SH3RF3: variants seen among roughly 807,000 people sequenced by gnomAD.
SH3RF3 encodes the protein SH3 domain containing ring finger 3.
A neutral mutation model predicts 66.3 loss-of-function variants in SH3RF3; 29 were observed. The observed-to-expected ratio is 0.44, with a 90% CI of 0.33 to 0.60. SH3RF3 has a LOEUF of 0.60. Among genes scored for constraint, SH3RF3 ranks in the 20% least tolerant of loss-of-function variants. SH3RF3 has a pLI of 0.04. For missense variants in SH3RF3, 1,194 were observed against 1,190.9 expected (o/e 1.00, Z -0.04); for synonymous variants, 583 against 532.0 (o/e 1.10, Z -1.32).
chr2:109,489,339 G>C (rs537609120), intron 8 of SH3RF3, among the ~76,000 whole-genome samples: 1 of 152,340 alleles, frequency 6.6e-6, no homozygotes, highest in South Asian at 2.1e-4. Flanking sequence ...CCAGACCCTG[G>C]TACAGCTGCA....
At chr2:109,393,957 C>G (rs1200118912) in intron 3 of SH3RF3, among the ~76,000 whole-genome samples, 1 of 152,028 alleles carries the variant, frequency 6.6e-6, no homozygotes, top group African/African-American at 2.4e-5. Flanking sequence ...TGTCGTGGAC[C>G]CAGCGCTGAA....
At chr2:109,251,350 G>A in intron 1 of SH3RF3, 1 of 561,920 alleles carries the variant, frequency 1.8e-6, no homozygotes, top group Non-Finnish European at 3.3e-6. Context: ...AAGACACCCG[G>A]CCTGCCGCGG....
chr2:109,307,367 A>G (rs932306519), intron 1 of SH3RF3, among the ~76,000 whole-genome samples: 1 of 152,178 alleles, frequency 6.6e-6, no homozygotes, highest in Admixed American at 6.5e-5. Context: ...ATTTGTGGGC[A>G]AGCAGAACGC....
At chr2:109,251,554 T>C in intron 1 of SH3RF3, 1 of 776,700 alleles carries the variant, frequency 1.3e-6, no homozygotes, top group Non-Finnish European at 2.4e-6. Context: ...GATAGATGAA[T>C]GTGTGGAGAT....
intron 2 of SH3RF3, among the ~76,000 whole-genome samples, chr2:109,361,080 G>A (rs1310524959): frequency 2.0e-5 from 3 of 152,156 alleles, no homozygotes; most frequent in Non-Finnish European, 4.4e-5. Context: ...TTACTGATAT[G>A]AGCATGTGAT....
At chr2:109,327,965 C>T (rs1429655485) in intron 1 of SH3RF3, among the ~76,000 whole-genome samples, 1 of 152,192 alleles carries the variant, frequency 6.6e-6, no homozygotes, top group Non-Finnish European at 1.5e-5. Flanking sequence ...CTGTGTCAGG[C>T]GATATCCAGC....
At chr2:109,131,647 G>A (rs1676699314) in intron 1 of SH3RF3, among the ~76,000 whole-genome samples, 1 of 152,166 alleles carries the variant, frequency 6.6e-6, no homozygotes, top group Non-Finnish European at 1.5e-5. Context: ...CTGAAGCTTT[G>A]ATGCCACTCC....
At chr2:109,227,618 G>A (rs1039687738) in intron 1 of SH3RF3, among the ~76,000 whole-genome samples, 5 of 152,170 alleles carry the variant, frequency 3.3e-5, no homozygotes, top group East Asian at 3.9e-4. Flanking sequence ...GATTCCCCTG[G>A]ATCTGGCCTG....
intron 8 of SH3RF3, among the ~76,000 whole-genome samples, chr2:109,480,910 A>C (rs554950868): frequency 6.6e-6 from 1 of 152,156 alleles, no homozygotes; most frequent in African/African-American, 2.4e-5. Flanking sequence ...TCTTAAAAGA[A>C]TGTCTAGAAG....
intron 1 of SH3RF3, among the ~76,000 whole-genome samples, chr2:109,229,653 C>T (rs976990123): frequency 3.3e-5 from 5 of 152,120 alleles, no homozygotes. Flanking sequence ...AGGAAGGCCC[C>T]AGATGTGAAA....
At chr2:109,410,059 C>A (rs1676547272) in intron 4 of SH3RF3, among the ~76,000 whole-genome samples, 1 of 152,170 alleles carries the variant, frequency 6.6e-6, no homozygotes, top group African/African-American at 2.4e-5. Context: ...TTAGTAATCC[C>A]AGCAGGGAAC....
At chr2:109,445,069 C>T (rs1677669419) in intron 7 of SH3RF3, among the ~76,000 whole-genome samples, 1 of 152,138 alleles carries the variant, frequency 6.6e-6, no homozygotes, top group African/African-American at 2.4e-5. Flanking sequence ...CTGTAGGTAG[C>T]ATAAACTCTA....
intron 1 of SH3RF3, among the ~76,000 whole-genome samples, chr2:109,296,672 G>A (rs1277220077): frequency 6.6e-6 from 1 of 152,168 alleles, no homozygotes; most frequent in African/African-American, 2.4e-5. Flanking sequence ...CTTTGCTCCT[G>A]TGGGTGGAGG....
chr2:109,497,703 G>GA (rs922656648), intron 9 of SH3RF3, among the ~76,000 whole-genome samples: 2 of 152,230 alleles, frequency 1.3e-5, no homozygotes, highest in African/African-American at 2.4e-5. Flanking sequence ...GATCTGGACA[G>GA]AAACGTTAAA....
intron 8 of SH3RF3, among the ~76,000 whole-genome samples, chr2:109,485,474 A>G (rs1678944483): frequency 6.6e-6 from 1 of 152,220 alleles, no homozygotes; most frequent in Non-Finnish European, 1.5e-5. Flanking sequence ...TTAAGCTTTC[A>G]ATTGCTTTTG....
At chr2:109,382,595 G>A (rs568630014) in intron 3 of SH3RF3, among the ~76,000 whole-genome samples, 66 of 152,266 alleles carry the variant, frequency 4.3e-4, no homozygotes, top group African/African-American at 1.5e-3. Flanking sequence ...CACCCCAGTC[G>A]TCTCCAGGAC....
chr2:109,271,898 T>G (rs1311349849), intron 1 of SH3RF3, among the ~76,000 whole-genome samples: 6 of 152,256 alleles, frequency 3.9e-5, no homozygotes, highest in African/African-American at 1.4e-4. Context: ...ATTGAGATTC[T>G]AACCGCTACG....
At chr2:109,227,373 T>C (rs1241920475) in intron 1 of SH3RF3, among the ~76,000 whole-genome samples, 3 of 152,166 alleles carry the variant, frequency 2.0e-5, no homozygotes, top group Non-Finnish European at 4.4e-5. Context: ...CTCAGGTCCT[T>C]AGGGGTCCTG....
chr2:109,160,614 T>C (rs1677466738), intron 1 of SH3RF3, among the ~76,000 whole-genome samples: 1 of 152,146 alleles, frequency 6.6e-6, no homozygotes, highest in African/African-American at 2.4e-5. Flanking sequence ...TGTTTTCCAA[T>C]GGAAAAGCTA....
Sources: gnomAD v4.1 joint callset for allele counts (sites outside exome capture counted in the v4.1 genomes callset) on GRCh38, gnomAD v4.1.1 for gene constraint, MANE v1.5 for transcripts, NCBI Gene and HGNC (gene_info 2026-07-23, HGNC 2026-07-21) for gene names.